Variants in PCCA observed in about 807,000 individuals in gnomAD.
The protein encoded by PCCA is propionyl-CoA carboxylase subunit alpha.
Under a neutral mutation model 101.3 loss-of-function variants are expected in PCCA, and 74 were observed. The observed-to-expected ratio is 0.73, with a 90% confidence interval of 0.61 to 0.89. The LOEUF (loss-of-function observed/expected upper bound fraction) is 0.89, where lower values mean the gene tolerates loss of function less well. PCCA is among the 40% of genes least tolerant of loss of function. PCCA has a pLI of 0.00. For synonymous variants in PCCA, 294 were observed against 313.6 expected (o/e 0.94, Z 0.66); for missense variants, 891 against 907.0 (o/e 0.98, Z 0.23).
chr13:100,383,482 C>T lies in PCCA; in HGVS notation c.1746+14908C>T, dbSNP rs557002157. The stretch of plus-strand genomic sequence containing the variant: ...ATGATTAGCCGGTCATGGTGATACA[C>T]GCCTGTAGCCTCAGCTACTCAGGAG... On this transcript the variant is annotated intron_variant, in intron 19 of 23. Transcript: ENST00000376285. Among the ~76,000 whole-genome samples the T allele has an allele frequency of 4.6e-5, 7 of 151,996 alleles. No homozygotes were observed. The South Asian group carries it at 8.3e-4, about 18-fold the overall frequency.
chr13:100,353,634 A>G (rs2073558545), intron 18 of PCCA, among the ~76,000 whole-genome samples: 1 of 152,192 alleles, frequency 6.6e-6, no homozygotes, highest in African/African-American at 2.4e-5. Flanking sequence ...CTTAGAGGGA[A>G]ATGAGAGCTG....
intron 6 of PCCA, among the ~76,000 whole-genome samples, chr13:100,177,962 A>G (rs908351325): frequency 6.6e-6 from 1 of 152,170 alleles, no homozygotes; most frequent in Non-Finnish European, 1.5e-5. Flanking sequence ...CCCTGTTATA[A>G]CAGTTCTATG....
chr13:100,372,176 C>T (rs2075613800), intron 19 of PCCA, among the ~76,000 whole-genome samples: 2 of 152,152 alleles, frequency 1.3e-5, no homozygotes, highest in African/African-American at 4.8e-5. Context: ...GAAACCCCAT[C>T]TCTACTAAAA....
intron 21 of PCCA, among the ~76,000 whole-genome samples, chr13:100,470,538 T>C (rs1262120901): frequency 6.6e-6 from 1 of 152,132 alleles, no homozygotes; most frequent in Non-Finnish European, 1.5e-5. Context: ...CTGGCAGCAG[T>C]CGACCAAGCC....
chr13:100,434,330 A>G (rs1222391305), intron 20 of PCCA, among the ~76,000 whole-genome samples: 1 of 152,184 alleles, frequency 6.6e-6, no homozygotes, highest in Non-Finnish European at 1.5e-5. Flanking sequence ...TTCTGAGGTT[A>G]CTTCTGAGGC....
At chr13:100,308,133 G>A (rs562420329) in intron 15 of PCCA, among the ~76,000 whole-genome samples, 6 of 152,274 alleles carry the variant, frequency 3.9e-5, no homozygotes, top group East Asian at 1.9e-4. Flanking sequence ...GATTACAGGC[G>A]TGAGCCACAA....
chr13:100,181,554 C>G (rs970386588), intron 6 of PCCA, among the ~76,000 whole-genome samples: 10 of 152,102 alleles, frequency 6.6e-5, no homozygotes, highest in African/African-American at 2.2e-4. Flanking sequence ...TCCTGAGTAA[C>G]TGGGACTACA....
At chr13:100,263,290 C>G (rs1193275181) in intron 10 of PCCA, among the ~76,000 whole-genome samples, 2 of 152,036 alleles carry the variant, frequency 1.3e-5, no homozygotes, top group African/African-American at 4.8e-5. Context: ...TAAAATAAAA[C>G]GGGGAAGAAG....
chr13:100,211,358 C>T (rs906084358), intron 7 of PCCA, among the ~76,000 whole-genome samples: 5 of 152,118 alleles, frequency 3.3e-5, no homozygotes, highest in South Asian at 2.1e-4. Context: ...CTTTTCTTGC[C>T]GTCTAGCTTC....
chr13:100,299,173 T>C (rs1018139025), intron 12 of PCCA, among the ~76,000 whole-genome samples: 1 of 152,206 alleles, frequency 6.6e-6, no homozygotes, highest in Non-Finnish European at 1.5e-5. Context: ...TAATTTGAAT[T>C]ACTTGTAGCT....
chr13:100,239,563 CCTAT>C (rs1450186083), intron 8 of PCCA, among the ~76,000 whole-genome samples: 4 of 152,166 alleles, frequency 2.6e-5, no homozygotes, highest in Middle Eastern at 3.4e-3. Context: ...TTTACTTTGA[CCTAT>C]CTAAGTTGAG....
chr13:100,121,269 T>C (rs2049357308), intron 4 of PCCA, among the ~76,000 whole-genome samples: 1 of 149,728 alleles, frequency 6.7e-6, no homozygotes, highest in African/African-American at 2.5e-5. Flanking sequence ...GTGATTCTCC[T>C]GCCTCAGCCT....
At chr13:100,323,384 C>T (rs4772282) in intron 16 of PCCA, among the ~76,000 whole-genome samples, 25,958 of 151,454 alleles carry the variant, frequency 0.17, 3,563 homozygotes, top group African/African-American at 0.38. Flanking sequence ...TACAATGGTG[C>T]GGTCTCGGCT....
intron 12 of PCCA, among the ~76,000 whole-genome samples, chr13:100,290,614 C>G (rs2065051067): frequency 6.6e-6 from 1 of 152,156 alleles, no homozygotes; most frequent in Admixed American, 6.5e-5. Flanking sequence ...AGTCCATGCC[C>G]TTTTTCAGTG....
chr13:100,218,184 G>A (rs770355118), intron 7 of PCCA, among the ~76,000 whole-genome samples: 5 of 151,796 alleles, frequency 3.3e-5, no homozygotes, highest in Non-Finnish European at 5.9e-5. Flanking sequence ...TTATATATTT[G>A]TTTGTTTTGA....
chr13:100,107,640 T>C (rs1356731522), intron 2 of PCCA, among the ~76,000 whole-genome samples: 1 of 152,206 alleles, frequency 6.6e-6, no homozygotes, highest in African/African-American at 2.4e-5. Context: ...GGATGTGAAC[T>C]CTCTGACTTT....
chr13:100,103,446 G>C (rs1027907869), intron 2 of PCCA, among the ~76,000 whole-genome samples: 3 of 150,724 alleles, frequency 2.0e-5, no homozygotes, highest in African/African-American at 7.3e-5. Flanking sequence ...TGAGTAGCTG[G>C]GATTACAGGC....
chr13:100,103,052 A>G, intron 2 of PCCA, 92 bp downstream of exon 2: 1 of 835,192 alleles, frequency 1.2e-6, no homozygotes, highest in Admixed American at 1.9e-5. Flanking sequence ...GACAGATGAG[A>G]TTTTGTTAAG....
At chr13:100,127,458 G>A (rs1008231601) in intron 4 of PCCA, among the ~76,000 whole-genome samples, 3 of 152,054 alleles carry the variant, frequency 2.0e-5, no homozygotes, top group African/African-American at 7.2e-5. Context: ...AAACAACATG[G>A]TTTTAAAGGG....
Sources: allele counts gnomAD v4.1 joint callset (sites outside exome capture counted in the v4.1 genomes callset), GRCh38; gene constraint gnomAD v4.1.1; transcripts MANE v1.5; gene names NCBI Gene and HGNC (gene_info 2026-07-23, HGNC 2026-07-21).